Variants in NRXN3 observed in about 807,000 individuals in gnomAD.
NRXN3 encodes neurexin III.
NRXN3 carries 32 observed loss-of-function variants against 137.6 expected under a neutral mutation model. The ratio of observed to expected loss-of-function variants is 0.23; its 90% CI spans 0.18 to 0.31. The LOEUF is 0.31. NRXN3 is among the 10% of genes least tolerant of loss of function. The pLI is 1.00. For missense variants in NRXN3, 1,574 were observed against 2,062.5 expected, an observed-to-expected ratio of 0.76 and a Z score of 4.59; for synonymous variants, 798 against 784.5, an observed-to-expected ratio of 1.02 and a Z score of -0.29.
At chr14:78,899,773 T>A (rs1184584666) in intron 10 of NRXN3, among the ~76,000 whole-genome samples, 1 of 152,028 alleles carries the variant, frequency 6.6e-6, no homozygotes, top group Admixed American at 6.6e-5. Flanking sequence ...AATGTTTCTA[T>A]AAAAGTACTA....
chr14:78,314,401 A>G (rs1224983008), intron 4 of NRXN3, among the ~76,000 whole-genome samples: 1 of 152,094 alleles, frequency 6.6e-6, no homozygotes, highest in Non-Finnish European at 1.5e-5. Context: ...GTGGGTGGTG[A>G]AGTGGGGGAT....
intron 19 of NRXN3, among the ~76,000 whole-genome samples, chr14:79,726,024 C>T (rs17174744): frequency 0.075 from 11,382 of 152,190 alleles, 505 homozygotes; most frequent in South Asian, 0.22. Context: ...GGAGTGAAAT[C>T]AGACACATTT....
intron 15 of NRXN3, among the ~76,000 whole-genome samples, chr14:79,020,821 A>C (rs2099588335): frequency 6.6e-6 from 1 of 150,566 alleles, no homozygotes; most frequent in Admixed American, 6.6e-5. Flanking sequence ...CCAATGAACC[A>C]ATCTCTGTTT....
In NRXN3 at chr14:79,364,721, G is replaced by A. The variant is rs1389853959; in HGVS notation, c.3263-102500G>A. 3.3e-5 allele frequency among the ~76,000 whole-genome samples: 5 copies of A among 152,246 alleles called. No individual in the cohort carries two copies. In the South Asian group the frequency reaches 8.3e-4, roughly 25 times the overall value. On this transcript the variant is annotated intron_variant, in intron 15 of 20. Coordinates refer to ENST00000335750, the MANE Select transcript of NRXN3 (RefSeq NM_001330195.2). ...TCAAAAATATATCACTTTTACATAT[G>A]TAATATAAGTTGAACATCTCATTAG... is the stretch of plus-strand genomic sequence containing the variant.
chr14:79,390,579 CTT>C (rs989720156), intron 15 of NRXN3, among the ~76,000 whole-genome samples: 1 of 152,180 alleles, frequency 6.6e-6, no homozygotes, highest in Non-Finnish European at 1.5e-5. Context: ...ACTTGTGCCT[CTT>C]TCCCAGCCTT....
At chr14:78,437,298 G>A (rs1241423655) in intron 4 of NRXN3, among the ~76,000 whole-genome samples, 1 of 151,630 alleles carries the variant, frequency 6.6e-6, no homozygotes, top group Non-Finnish European at 1.5e-5. Context: ...CAAAGTTCAG[G>A]TTCTTAACAA....
intron 1 of NRXN3, among the ~76,000 whole-genome samples, chr14:78,203,838 G>GTGTGGTGTGTGTGTGT (rs762632826): frequency 1.3e-5 from 1 of 77,982 alleles, no homozygotes. Flanking sequence ...GTGTGTGTGT[G>GTGTGGTGTGTGTGTGT]GTTTGTGTGT....
chr14:78,605,670 GC>G (rs2152452237), intron 4 of NRXN3, among the ~76,000 whole-genome samples: 1 of 152,062 alleles, frequency 6.6e-6, no homozygotes, highest in East Asian at 1.9e-4. Flanking sequence ...ACAAACAGAA[GC>G]CAGAAGTGCT....
At chr14:78,204,117 A>C (rs2061958887) in intron 1 of NRXN3, among the ~76,000 whole-genome samples, 1 of 152,182 alleles carries the variant, frequency 6.6e-6, no homozygotes, top group South Asian at 2.1e-4. Flanking sequence ...TCTATATTTA[A>C]AAATAATATT....
chr14:79,069,004 A>G (rs954859549), intron 15 of NRXN3, among the ~76,000 whole-genome samples: 3 of 152,092 alleles, frequency 2.0e-5, no homozygotes, highest in African/African-American at 7.2e-5. Flanking sequence ...GTTGTATTCT[A>G]GGGATTATAA....
intron 20 of NRXN3, among the ~76,000 whole-genome samples, chr14:79,821,668 C>CTTT (rs5809961): frequency 0.099 from 12,053 of 121,238 alleles, 930 homozygotes; most frequent in South Asian, 0.15. Flanking sequence ...AAGCTAAGAC[C>CTTT]TTTTTTTTTT....
At chr14:78,311,534 G>T (rs893706131) in intron 4 of NRXN3, among the ~76,000 whole-genome samples, 5 of 152,248 alleles carry the variant, frequency 3.3e-5, no homozygotes, top group South Asian at 4.1e-4. Context: ...TGAGATTTTT[G>T]TGTGTGTGAA....
intron 19 of NRXN3, among the ~76,000 whole-genome samples, chr14:79,700,245 T>C (rs2098749953): frequency 1.3e-5 from 2 of 151,978 alleles, no homozygotes; most frequent in Admixed American, 6.6e-5. Context: ...TTAATATGCC[T>C]ATGTGACCCC....
At chr14:79,650,004 T>G (rs1188478512) in intron 16 of NRXN3, among the ~76,000 whole-genome samples, 1 of 152,184 alleles carries the variant, frequency 6.6e-6, no homozygotes, top group Non-Finnish European at 1.5e-5. Flanking sequence ...TATCTTTACA[T>G]GGAGGAGAGA....
At chr14:78,558,137 CT>C (rs1448851919) in intron 4 of NRXN3, among the ~76,000 whole-genome samples, 2 of 152,198 alleles carry the variant, frequency 1.3e-5, no homozygotes, top group African/African-American at 4.8e-5. Context: ...GTAAGAAAGA[CT>C]GGCTAATCGT....
intron 2 of NRXN3, among the ~76,000 whole-genome samples, chr14:78,270,752 A>G (rs2072588693): frequency 6.6e-6 from 1 of 152,226 alleles, no homozygotes. Flanking sequence ...TAATCCTCAC[A>G]ATAGTCATAT....
chr14:79,659,459 C>T (rs1355412713), intron 16 of NRXN3, among the ~76,000 whole-genome samples: 2 of 152,110 alleles, frequency 1.3e-5, no homozygotes, highest in Admixed American at 6.6e-5. Flanking sequence ...GAAATCAACC[C>T]TGCATAAATT....
intron 15 of NRXN3, among the ~76,000 whole-genome samples, chr14:79,057,957 A>G (rs1415325275): frequency 6.6e-6 from 1 of 152,184 alleles, no homozygotes; most frequent in Non-Finnish European, 1.5e-5. Context: ...GAAGCAAGGT[A>G]CGGAATGAGG....
rs959563433 is a variant in NRXN3, at chr14:79,185,362, C to A, written c.3262+197221C>A. On this transcript the variant is annotated intron_variant, in intron 15 of 20. Coordinates refer to ENST00000335750, the MANE Select transcript of NRXN3 (RefSeq NM_001330195.2). ...TCCAATTGCTTTTAATAAAGACTGT[C>A]CTGAAAGATACACATGGTGAAACAT... Among the ~76,000 whole-genome samples, 3 of 152,028 alleles carry A rather than the reference C, an allele frequency of 2.0e-5. No individual in the cohort carries two copies. In the East Asian group the frequency reaches 5.8e-4, roughly 29 times the overall value.
Sources: allele counts gnomAD v4.1 joint callset (sites outside exome capture counted in the v4.1 genomes callset), GRCh38; gene constraint gnomAD v4.1.1; transcripts MANE v1.5; gene names NCBI Gene and HGNC (gene_info 2026-07-23, HGNC 2026-07-21).